The following HS6ST3 variants were observed in gnomAD, a reference collection of about 807,000 sequenced individuals.
The protein encoded by HS6ST3 is heparan-sulfate 6-O-sulfotransferase 3.
In HS6ST3, 12 loss-of-function variants were observed where a neutral mutation model predicts 36.7. The ratio of observed to expected loss-of-function variants is 0.33; its 90% CI spans 0.21 to 0.53. The LOEUF is 0.53. Among genes scored for constraint, HS6ST3 ranks in the 20% least tolerant of loss-of-function variants. The probability of loss-of-function intolerance (pLI) is 0.95; values close to 1 mark genes in which losing one functional copy is unlikely to be tolerated. For missense variants in HS6ST3, 584 were observed against 640.9 expected (o/e 0.91, Z 0.96); for synonymous variants, 240 against 257.5 (o/e 0.93, Z 0.65).
At chr13:96,185,973 T>C (rs997833099) in intron 1 of HS6ST3, among the ~76,000 whole-genome samples, 2 of 152,226 alleles carry the variant, frequency 1.3e-5, no homozygotes, top group African/African-American at 2.4e-5. Context: ...AATAAAGTTA[T>C]ATACTGTATG....
intron 1 of HS6ST3, among the ~76,000 whole-genome samples, chr13:96,790,550 T>G (rs907016586): frequency 1.3e-5 from 2 of 152,070 alleles, no homozygotes; most frequent in Non-Finnish European, 2.9e-5. Context: ...TATTCTAACT[T>G]AAGATTCAGA....
At chr13:96,543,773 T>C (rs2056187097) in intron 1 of HS6ST3, among the ~76,000 whole-genome samples, 2 of 152,142 alleles carry the variant, frequency 1.3e-5, no homozygotes, top group Admixed American at 6.5e-5. Context: ...AACATACTTA[T>C]CAGTTTTGGG....
At chr13:96,634,886 TCA>T (rs2056543849) in intron 1 of HS6ST3, among the ~76,000 whole-genome samples, 1 of 10,562 alleles carries the variant, frequency 9.5e-5, no homozygotes, top group Non-Finnish European at 3.2e-4. Flanking sequence ...CAAGTTTGAG[TCA>T]TTAGGTTTAA....
At chr13:96,597,210 GAGA>G (rs1687060942) in intron 1 of HS6ST3, among the ~76,000 whole-genome samples, 1 of 152,036 alleles carries the variant, frequency 6.6e-6, no homozygotes, top group Non-Finnish European at 1.5e-5. Flanking sequence ...TAGGAGGAGG[GAGA>G]AGATCATGAA....
At chr13:96,792,408 A>G (rs1877812227) in intron 1 of HS6ST3, among the ~76,000 whole-genome samples, 1 of 152,012 alleles carries the variant, frequency 6.6e-6, no homozygotes, top group African/African-American at 2.4e-5. Context: ...GGTGCTTATC[A>G]GAACACGTCC....
At chr13:96,573,961 C>T (rs1016119932) in intron 1 of HS6ST3, 2 of 536,818 alleles carry the variant, frequency 3.7e-6, no homozygotes, top group Non-Finnish European at 7.5e-6. Flanking sequence ...ACTGCTTTAC[C>T]AAACTCCACT....
intron 1 of HS6ST3, among the ~76,000 whole-genome samples, chr13:96,344,600 G>A (rs1023385004): frequency 4.6e-5 from 7 of 152,272 alleles, no homozygotes; most frequent in Admixed American, 1.3e-4. Context: ...TTGCATTTTG[G>A]TGTGTGTTTA....
chr13:96,234,098 GT>G (rs2054520841), intron 1 of HS6ST3, among the ~76,000 whole-genome samples: 1 of 144,106 alleles, frequency 6.9e-6, no homozygotes, highest in Non-Finnish European at 1.5e-5. Context: ...TTTTTCATCT[GT>G]TAAAAAAAAA....
At chr13:96,391,916 G>A (rs1163042264) in intron 1 of HS6ST3, among the ~76,000 whole-genome samples, 1 of 152,150 alleles carries the variant, frequency 6.6e-6, no homozygotes, top group Non-Finnish European at 1.5e-5. Flanking sequence ...TATGTCACTG[G>A]CTTGCCGAGA....
chr13:96,289,203 A>G (rs758255394), intron 1 of HS6ST3, among the ~76,000 whole-genome samples: 5 of 152,154 alleles, frequency 3.3e-5, no homozygotes, highest in South Asian at 2.1e-4. Flanking sequence ...TGTAAACTCA[A>G]TGCCTTTTCA....
rs1878862518 is a variant in HS6ST3 at position 96,833,797 on chromosome 13, C to A, written c.*599C>A. 1 of 152,414 alleles carries A rather than the reference C, an allele frequency of 6.6e-6. No homozygotes were observed. Among genetic ancestry groups the A allele is most frequent in the African/African-American group, 2.4e-5 (1 of 41,446 alleles). The allele number at this position is 152,414 out of a possible 1,614,324, so 9.4% of individuals were successfully genotyped here. Reference sequence around the variant, plus strand: ...TGAAACAAAATTATCCTATTATTGACCATTGCTAGAGACCCACATCCTACA... The same window carrying A: ...TGAAACAAAATTATCCTATTATTGAACATTGCTAGAGACCCACATCCTACA... On this transcript the variant is annotated 3_prime_UTR_variant, in exon 2 of 2. Transcript: ENST00000376705.
chr13:96,466,293 AC>A (rs34888653), intron 1 of HS6ST3, among the ~76,000 whole-genome samples: 117,726 of 151,838 alleles, frequency 0.78, 48,709 homozygotes, highest in Non-Finnish European at 0.93. Flanking sequence ...AAGAAAAAAA[AC>A]ATCTACTATC....
chr13:96,814,984 G>A (rs538863898), intron 1 of HS6ST3, among the ~76,000 whole-genome samples: 3 of 152,270 alleles, frequency 2.0e-5, no homozygotes, highest in Admixed American at 2.0e-4. Context: ...AATGTGTGCA[G>A]CTAGTGCCGG....
intron 1 of HS6ST3, among the ~76,000 whole-genome samples, chr13:96,787,630 A>C (rs1877684184): frequency 6.6e-6 from 1 of 151,920 alleles, no homozygotes; most frequent in Non-Finnish European, 1.5e-5. Flanking sequence ...TTGTCATTGC[A>C]TTTTAAGAGT....
chr13:96,407,520 A>G (rs143698995), intron 1 of HS6ST3, among the ~76,000 whole-genome samples: 6 of 152,328 alleles, frequency 3.9e-5, no homozygotes, highest in Non-Finnish European at 5.9e-5. Context: ...TAGGGGCTCA[A>G]TAGGCGTTCA....
chr13:96,447,071 G>A (rs774159906), intron 1 of HS6ST3, among the ~76,000 whole-genome samples: 1 of 151,968 alleles, frequency 6.6e-6, no homozygotes, highest in Non-Finnish European at 1.5e-5. Context: ...CCTGCATGCC[G>A]TCCTGTGTTC....
intron 1 of HS6ST3, among the ~76,000 whole-genome samples, chr13:96,798,067 T>C (rs977793587): frequency 3.3e-5 from 5 of 152,064 alleles, no homozygotes; most frequent in Non-Finnish European, 7.4e-5. Context: ...TTGGGTTCAA[T>C]TAATTTCTTA....
At chr13:96,316,785 C>G (rs1283656977) in intron 1 of HS6ST3, among the ~76,000 whole-genome samples, 1 of 152,180 alleles carries the variant, frequency 6.6e-6, no homozygotes, top group Non-Finnish European at 1.5e-5. Context: ...TACCCCCTTT[C>G]TCTTTTCTCT....
intron 1 of HS6ST3, among the ~76,000 whole-genome samples, chr13:96,152,658 G>A (rs1385590289): frequency 2.0e-5 from 3 of 151,860 alleles, no homozygotes; most frequent in African/African-American, 7.3e-5. Context: ...AATACTATCA[G>A]CAGTCTTTTT....
Sources: allele counts gnomAD v4.1 joint callset (sites outside exome capture counted in the v4.1 genomes callset), GRCh38; gene constraint gnomAD v4.1.1; transcripts MANE v1.5; gene names NCBI Gene and HGNC (gene_info 2026-07-23, HGNC 2026-07-21).